The following CD81 variants were observed in gnomAD, a reference collection of about 807,000 sequenced individuals.
CD81 encodes CD81 molecule, also known as CD81 antigen.
Under a neutral mutation model 30.1 loss-of-function variants are expected in CD81, and 10 were observed. The ratio of observed to expected loss-of-function variants is 0.33; its 90% CI spans 0.21 to 0.56. The LOEUF is 0.56. Ranked by LOEUF, CD81 falls within the 20% of genes least tolerant of loss-of-function variation. The pLI is 0.89. For synonymous variants in CD81, 147 were observed against 126.4 expected (o/e 1.16, Z -1.10); for missense variants, 263 against 308.7 (o/e 0.85, Z 1.11).
chr11:2,395,095 C>G, intron 4 of CD81, 49 bp downstream of exon 4: 1 of 1,494,648 alleles, frequency 6.7e-7, no homozygotes, highest in Non-Finnish European at 9.3e-7. Flanking sequence ...CGGGGGCACC[C>G]TCCTCTCCTG....
At position 2,395,920 on chromosome 11, in the gene CD81, A is replaced by G. The variant is rs746990758; in HGVS notation, c.511A>G (p.Lys171Glu). 1.7e-5 allele frequency: 28 copies of G among 1,612,488 alleles called. No individual in the cohort carries two copies. Among genetic ancestry groups the G allele is most frequent in the Non-Finnish European group, 2.3e-5 (27 of 1,179,828 alleles). Residue 171 changes from lysine to glutamate, a missense_variant, in exon 6 of 8, where the codon AAG becomes GAG. Around this residue, in one of 3 missense-constraint regions of CD81, gnomAD observed 176 missense variants for 192.9 expected, o/e 0.91. Transcript: ENST00000263645. Reference protein sequence around the residue: ...TLTALTTSVLKNNLCPSGSNI... With the variant: ...TLTALTTSVLENNLCPSGSNI... Reference sequence around the variant, plus strand: ...GACTGCTTTGACCACCTCAGTGCTCAAGAACAATTTGTGTCCCTCGGGCAG... The same window carrying G: ...GACTGCTTTGACCACCTCAGTGCTCGAGAACAATTTGTGTCCCTCGGGCAG...
intron 1 of CD81, among the ~76,000 whole-genome samples, chr11:2,386,850 C>T (rs1849807844): frequency 6.6e-6 from 1 of 152,244 alleles, no homozygotes; most frequent in Non-Finnish European, 1.5e-5. Flanking sequence ...GGTGTTGGCC[C>T]AGGCTCTTTC....
Position 2,394,143 on chromosome 11 carries a change from TC to T in CD81, c.232del (p.Leu78TrpfsTer46). 3.7e-6 allele frequency: 6 copies of T among 1,613,306 alleles called. No homozygotes were observed. Among genetic ancestry groups the T allele is most frequent in the Non-Finnish European group, 4.2e-6 (5 of 1,179,932 alleles). ...GGCGCTGTCATGATGTTCGTTGGCTTCCTGGGCTGCTACGGGGCCATCCAGG... is the reference window on the plus strand; with the variant it reads ...GGCGCTGTCATGATGTTCGTTGGCTTCTGGGCTGCTACGGGGCCATCCAGG... ...AVGAVMMFVGFLGCYGAIQES... is the reference protein window; with the variant it reads ...AVGAVMMFVGXLGCYGAIQES... On this transcript the variant is annotated frameshift_variant, in exon 3 of 8. Transcript: ENST00000263645. LOFTEE classifies it high-confidence loss of function.
In CD81 at chr11:2,396,663, C is replaced by T. The variant is rs14077; in HGVS notation, c.597C>T (p.Ser199=). 35,102 of 1,611,752 alleles carry T rather than the reference C, an allele frequency of 0.022. 2,399 individuals carry two copies. The African/African-American group carries it at 0.23, about 11-fold the overall frequency. The change falls in exon 7 of 8, where the codon TCC becomes TCT. Residue 199 remains serine, a synonymous_variant. Coordinates refer to ENST00000263645, the MANE Select transcript of CD81 (RefSeq NM_004356.4). The stretch of plus-strand genomic sequence containing the variant: ...ACCAGAAGATCGATGACCTCTTCTC[C>T]GGGAAGCTGTACCTCATCGGCATTG... ...DCHQKIDDLF[S]GKLYLIGIAA... is the part of the protein sequence containing the mutation.
intron 1 of CD81, chr11:2,386,566 G>C (rs1203797127): frequency 2.8e-6 from 2 of 717,110 alleles, no homozygotes; most frequent in East Asian, 5.4e-5. Context: ...TCCAGCTCAA[G>C]GTCCCTGCTG....
At chr11:2,394,004 G>T in intron 2 of CD81, 91 bp from the exon 3 acceptor site, 1 of 913,396 alleles carries the variant, frequency 1.1e-6, no homozygotes, top group Non-Finnish European at 1.8e-6. Flanking sequence ...CCAGCTGGGC[G>T]GCCCGTGGTG....
chr11:2,396,605 C>A, intron 6 of CD81, 23 bp from the exon 7 acceptor site: 1 of 1,600,724 alleles, frequency 6.2e-7, no homozygotes, highest in African/African-American at 1.3e-5. Flanking sequence ...TCCCTGACCA[C>A]GCGTGCCTGG....
chr11:2,396,521 G>A (rs1589854741), intron 6 of CD81, 107 bp from the exon 7 acceptor site: 1 of 1,009,428 alleles, frequency 9.9e-7, no homozygotes, highest in Middle Eastern at 2.8e-4. Context: ...GCTGTTCCCA[G>A]GATTCCCCTC....
intron 1 of CD81, chr11:2,386,402 G>A: frequency 1.6e-6 from 1 of 642,492 alleles, no homozygotes; most frequent in South Asian, 1.7e-5. Context: ...GGTTTGTTAT[G>A]GGGCAGGGGC....
At chr11:2,385,285 G>T (rs866019675) in intron 1 of CD81, among the ~76,000 whole-genome samples, 5 of 152,196 alleles carry the variant, frequency 3.3e-5, no homozygotes, top group Middle Eastern at 6.8e-3. Context: ...TTATACCCCC[G>T]TGAAACCATC....
intron 5 of CD81, 137 bp from the exon 6 acceptor site, chr11:2,395,732 G>GA (rs1345550573): frequency 3.9e-6 from 3 of 772,154 alleles, no homozygotes; most frequent in Non-Finnish European, 4.5e-6. Context: ...CGCAGCTGAG[G>GA]AGGAAGAAGG....
Position 2,378,145 on chromosome 11 carries a change from C to G in CD81, c.66+530C>G, listed in dbSNP as rs1849632624. Among the ~76,000 whole-genome samples the G allele has an allele frequency of 6.6e-6, 1 of 152,112 alleles. No individual in the cohort carries two copies. The highest frequency in any genetic ancestry group is 1.5e-5 in the Non-Finnish European group (1 of 68,004). On this transcript the variant is annotated intron_variant, in intron 1 of 7. Coordinates refer to ENST00000263645, the MANE Select transcript of CD81 (RefSeq NM_004356.4). The surrounding 1 kb of genome is among the most constrained non-coding windows in gnomAD (Gnocchi z 4.9). ...GGGGGCGATCCGCCTCACTCTTTCC[C>G]CAGCCCAGCTCACTCTCCAATCTGC...
At chr11:2,385,195 T>G (rs748655020) in intron 1 of CD81, among the ~76,000 whole-genome samples, 2 of 152,154 alleles carry the variant, frequency 1.3e-5, no homozygotes, top group Non-Finnish European at 2.9e-5. Context: ...TGGGGGCTTT[T>G]CAAACAGCTT....
rs750214924 is a variant in CD81, at chr11:2,396,890, GA to G, written c.*25del. 6.2e-7 allele frequency: 1 copy of G among 1,610,262 alleles called. No individual in the cohort carries two copies. Among genetic ancestry groups the G allele is most frequent in the African/African-American group, 1.3e-5 (1 of 75,004 alleles). ...GAGGCCCCGCAGCTCTGGCCACAGG[GA>G]CCTCTGCAGTGCCCCCTAAGTGACC... On this transcript the variant is annotated 3_prime_UTR_variant, in exon 8 of 8. Transcript: ENST00000263645.
intron 1 of CD81, chr11:2,386,299 A>G: frequency 1.6e-6 from 1 of 642,310 alleles, no homozygotes; most frequent in Non-Finnish European, 2.8e-6. Context: ...CGTTCAGGGC[A>G]CAGGTCCTTT....
rs764021437 is a variant in CD81 at position 2,395,014 on chromosome 11, G to A, written c.322G>A (p.Ala108Thr). Reference sequence around the variant, plus strand: ...CATCCTGTTTGCCTGTGAGGTGGCCGCCGGCATCTGGGGCTTTGTCAACAA... The same window carrying A: ...CATCCTGTTTGCCTGTGAGGTGGCCACCGGCATCTGGGGCTTTGTCAACAA... ...LVILFACEVA[A>T]GIWGFVNKDQ... Residue 108 changes from alanine to threonine, a missense_variant, in exon 4 of 8, where the codon GCC becomes ACC. Physicochemically the swap from Ala to Thr is moderately conservative, Grantham distance 58. Around this residue, in one of 3 missense-constraint regions of CD81, gnomAD observed 176 missense variants for 192.9 expected, o/e 0.91. Transcript: ENST00000263645. 20 of 1,612,424 alleles carry A rather than the reference G, an allele frequency of 1.2e-5. No individual in the cohort carries two copies. Among genetic ancestry groups the A allele is most frequent in the Admixed American group, 1.0e-4 (6 of 60,000 alleles).
At chr11:2,388,436 G>GC (rs143799050) in intron 1 of CD81, among the ~76,000 whole-genome samples, 11,424 of 151,744 alleles carry the variant, frequency 0.075, 1,206 homozygotes, top group African/African-American at 0.24. Context: ...GCTGAGCACA[G>GC]CCCCCTGCCC....
intron 2 of CD81, chr11:2,391,087 T>TGGA (rs1283168292): frequency 4.8e-5 from 10 of 206,498 alleles, no homozygotes; most frequent in South Asian, 1.7e-4. Flanking sequence ...GCAGGAGTGA[T>TGGA]GGAGGAGGAG....
At chr11:2,386,438 T>C in intron 1 of CD81, 2 of 674,230 alleles carry the variant, frequency 3.0e-6, no homozygotes, top group Non-Finnish European at 5.5e-6. Flanking sequence ...ACCACGGGGC[T>C]TGGGGATTTG....
Sources: allele counts gnomAD v4.1 joint callset (sites outside exome capture counted in the v4.1 genomes callset), GRCh38; gene constraint gnomAD v4.1.1; regional missense constraint gnomAD v4.1.1; non-coding constraint Gnocchi (gnomAD v3.1); transcripts MANE v1.5; gene names NCBI Gene and HGNC (gene_info 2026-07-23, HGNC 2026-07-21).